Variants in EXOSC4 observed in about 807,000 individuals in gnomAD.
EXOSC4 encodes exosome component 4, also known as exosome complex component RRP41.
EXOSC4 carries 14 observed loss-of-function variants against 20.0 expected under a neutral mutation model. The ratio of observed to expected loss-of-function variants is 0.70; its 90% CI spans 0.46 to 1.09. The LOEUF is 1.09. EXOSC4 is among the 50% of genes least tolerant of loss of function. The pLI is 0.00. For missense variants in EXOSC4, 337 were observed against 334.0 expected (o/e 1.01, Z -0.07); for synonymous variants, 148 against 146.4 (o/e 1.01, Z -0.08).
chr8:144,068,405 T>C, the EXOSC4 span, among the ~76,000 whole-genome samples: 8 of 152,190 alleles, frequency 5.3e-5, no homozygotes, highest in Admixed American at 6.5e-5. Context: ...CATTCTTCAG[T>C]TGACACCACC....
At chr8:144,079,299 CCTTT>C (rs1554763151) in intron 1 of EXOSC4, 1 of 205,080 alleles carries the variant, frequency 4.9e-6, no homozygotes, top group African/African-American at 2.3e-5. Context: ...AGCATTTTCC[CCTTT>C]GTTTCCTCGC....
Sources: allele counts gnomAD v4.1 joint callset (sites outside exome capture counted in the v4.1 genomes callset), GRCh38; gene constraint gnomAD v4.1.1; transcripts MANE v1.5; gene names NCBI Gene and HGNC (gene_info 2026-07-23, HGNC 2026-07-21).